The following PCCA variants were observed in gnomAD, a reference collection of about 807,000 sequenced individuals.
The protein encoded by PCCA is propionyl-CoA carboxylase subunit alpha.
PCCA carries 74 observed loss-of-function variants against 101.3 expected under a neutral mutation model. The observed-to-expected ratio is 0.73, with a 90% CI of 0.61 to 0.89. The LOEUF (loss-of-function observed/expected upper bound fraction) is 0.89. Ranked by LOEUF, PCCA falls within the 40% of genes least tolerant of loss-of-function variation. The pLI, the probability that PCCA is intolerant of heterozygous loss-of-function variation, is 0.00. For synonymous variants in PCCA, 294 were observed against 313.6 expected (o/e 0.94, Z 0.66); for missense variants, 891 against 907.0 (o/e 0.98, Z 0.23).
intron 6 of PCCA, among the ~76,000 whole-genome samples, chr13:100,204,237 C>A (rs150797506): frequency 0.014 from 2,146 of 152,214 alleles, 20 homozygotes; most frequent in Middle Eastern, 0.024. Context: ...TCAAGCAATC[C>A]TCCTACCTCA....
At chr13:100,479,563 G>A (rs3759478) in intron 21 of PCCA, 34,759 of 152,048 alleles carry the variant, frequency 0.23, 4,102 homozygotes, top group Non-Finnish European at 0.25. Context: ...AAATCATAAC[G>A]ACAAAATATA....
At position 100,448,393 on chromosome 13, in the gene PCCA, A is replaced by G. The variant is rs566144128; in HGVS notation, c.1846-859A>G. On this transcript the variant is annotated intron_variant, in intron 20 of 23. Coordinates refer to ENST00000376285, the MANE Select transcript of PCCA (RefSeq NM_000282.4). ...TTTTTAGTAAAGACGGGGTTTCACC[A>G]TATTGGCCAGGCTGGTCTTGAATTC... 2.6e-5 allele frequency among the ~76,000 whole-genome samples: 4 copies of G among 152,240 alleles called. No homozygotes were observed. The South Asian group carries it at 8.3e-4, about 32-fold the overall frequency.
intron 16 of PCCA, among the ~76,000 whole-genome samples, chr13:100,327,927 AAT>A (rs1809717009): frequency 1.3e-5 from 2 of 152,188 alleles, no homozygotes; most frequent in African/African-American, 4.8e-5. Context: ...TCCCTTGTTC[AAT>A]ATATGTATTG....
chr13:100,193,617 A>G (rs1249868927), intron 6 of PCCA, among the ~76,000 whole-genome samples: 1 of 152,192 alleles, frequency 6.6e-6, no homozygotes, highest in East Asian at 1.9e-4. Context: ...TAAACTTAGA[A>G]TTGTTTCCTA....
At chr13:100,276,213 CAAAAAAAAA>C (rs59671834) in intron 12 of PCCA, among the ~76,000 whole-genome samples, 3 of 102,128 alleles carry the variant, frequency 2.9e-5, no homozygotes, top group African/African-American at 4.6e-5. Flanking sequence ...TTGTCTGTAC[CAAAAAAAAA>C]AAAAAAAAAA....
At chr13:100,520,784 TATAAA>T (rs2087224632) in intron 22 of PCCA, among the ~76,000 whole-genome samples, 1 of 152,028 alleles carries the variant, frequency 6.6e-6, no homozygotes, top group Non-Finnish European at 1.5e-5. Context: ...CAATGATAAT[TATAAA>T]ATAAAAAATA....
intron 16 of PCCA, among the ~76,000 whole-genome samples, chr13:100,313,953 T>A (rs2067132078): frequency 6.6e-6 from 1 of 152,174 alleles, no homozygotes; most frequent in Non-Finnish European, 1.5e-5. Context: ...TATTGTTTTT[T>A]AATCCCATCT....
intron 21 of PCCA, among the ~76,000 whole-genome samples, chr13:100,475,628 G>A (rs534833380): frequency 2.0e-5 from 3 of 152,252 alleles, no homozygotes; most frequent in Non-Finnish European, 2.9e-5. Flanking sequence ...TTTTTGGGGC[G>A]ACAAGGTTTT....
intron 21 of PCCA, among the ~76,000 whole-genome samples, chr13:100,508,928 G>A (rs1356706617): frequency 3.3e-5 from 5 of 151,952 alleles, no homozygotes; most frequent in South Asian, 2.1e-4. Context: ...AACCTAAACC[G>A]TAAACGCTTG....
intron 6 of PCCA, among the ~76,000 whole-genome samples, chr13:100,182,348 C>T (rs947500851): frequency 3.9e-5 from 6 of 152,084 alleles, no homozygotes; most frequent in African/African-American, 9.7e-5. Context: ...CCTCCTGCCT[C>T]GGCCTCCCAA....
At chr13:100,133,557 T>C (rs1176400662) in intron 4 of PCCA, among the ~76,000 whole-genome samples, 1 of 152,260 alleles carries the variant, frequency 6.6e-6, no homozygotes, top group Admixed American at 6.5e-5. Flanking sequence ...GTTAATTCTC[T>C]GTAAGATTTG....
intron 20 of PCCA, 40 bp downstream of exon 20, chr13:100,425,771 TC>T: frequency 7.6e-7 from 1 of 1,309,026 alleles, no homozygotes; most frequent in Non-Finnish European, 1.1e-6. Context: ...CCTCCTCAAG[TC>T]CAGAATCCTT....
chr13:100,411,860 C>T (rs897633194), intron 19 of PCCA, among the ~76,000 whole-genome samples: 2 of 152,176 alleles, frequency 1.3e-5, no homozygotes, highest in African/African-American at 4.8e-5. Context: ...CCTGTCTCCT[C>T]ATACTGTCAT....
intron 16 of PCCA, among the ~76,000 whole-genome samples, chr13:100,321,813 T>A (rs1432821080): frequency 6.6e-6 from 1 of 152,114 alleles, no homozygotes; most frequent in African/African-American, 2.4e-5. Flanking sequence ...TTGGCCTTTA[T>A]AAAATTTAGA....
intron 7 of PCCA, among the ~76,000 whole-genome samples, chr13:100,222,410 TTTG>T (rs1330767687): frequency 6.6e-6 from 1 of 152,160 alleles, no homozygotes; most frequent in East Asian, 1.9e-4. Flanking sequence ...TTATTTTTAG[TTTG>T]TTTTTATTTC....
intron 21 of PCCA, among the ~76,000 whole-genome samples, chr13:100,514,080 T>C (rs2086666900): frequency 6.6e-6 from 1 of 152,218 alleles, no homozygotes; most frequent in Non-Finnish European, 1.5e-5. Flanking sequence ...CCCTCACCAC[T>C]TATGACTCAG....
chr13:100,330,525 T>G (rs749370754), intron 16 of PCCA, 36 bp from the exon 17 acceptor site: 3 of 1,243,382 alleles, frequency 2.4e-6, no homozygotes, highest in Admixed American at 1.7e-5. Flanking sequence ...TTTCACTGAT[T>G]CATTGTTCTT....
chr13:100,422,078 C>CTTTA (rs1243925040), intron 19 of PCCA, among the ~76,000 whole-genome samples: 18 of 121,894 alleles, frequency 1.5e-4, no homozygotes, highest in African/African-American at 6.4e-4. Flanking sequence ...TCTTTTCTTT[C>CTTTA]TTTCTTTCTT....
Position 100,179,526 on chromosome 13 carries a change from A to G in PCCA, c.468+22186A>G, listed in dbSNP as rs145678877. The stretch of plus-strand genomic sequence containing the variant: ...TCTGCGTTTTCAGCTCAGTTTGGTC[A>G]TGAATACTTGACTTGCTACCTATAG... On this transcript the variant is annotated intron_variant, in intron 6 of 23. Coordinates refer to ENST00000376285, the MANE Select transcript of PCCA (RefSeq NM_000282.4). 7.9e-5 allele frequency among the ~76,000 whole-genome samples: 12 copies of G among 152,292 alleles called. No homozygotes were observed. In the East Asian group the frequency reaches 2.3e-3, roughly 29 times the overall value.
Sources: allele counts gnomAD v4.1 joint callset (sites outside exome capture counted in the v4.1 genomes callset), GRCh38; gene constraint gnomAD v4.1.1; transcripts MANE v1.5; gene names NCBI Gene and HGNC (gene_info 2026-07-23, HGNC 2026-07-21).